FKBP3: variants seen among roughly 807,000 people sequenced by gnomAD.
FKBP3 encodes the protein peptidyl-prolyl cis-trans isomerase FKBP3.
Under a neutral mutation model 30.6 loss-of-function variants are expected in FKBP3, and 21 were observed. That is an observed-to-expected ratio of 0.69 (90% CI 0.49 to 0.99). The LOEUF is 0.99. Ranked by LOEUF, FKBP3 falls within the 50% of genes least tolerant of loss-of-function variation. The pLI is 0.00. For missense variants in FKBP3, 283 were observed against 261.6 expected (o/e 1.08, Z -0.56); for synonymous variants, 82 against 91.3 (o/e 0.90, Z 0.58).
intron 2 of FKBP3, among the ~76,000 whole-genome samples, chr14:45,130,192 A>G (rs1421430974): frequency 6.6e-6 from 1 of 152,224 alleles, no homozygotes; most frequent in African/African-American, 2.4e-5. Context: ...CACTATTCAA[A>G]TAACTCCTAA....
At position 45,129,904 on chromosome 14, in the gene FKBP3, G is replaced by A. The variant is rs562896633; in HGVS notation, c.211-3C>T. On this transcript the variant is annotated splice_polypyrimidine_tract_variant and splice_region_variant and intron_variant, in intron 2 of 6. Transcript: ENST00000396062. ...ATACTTTCAGTACCCTTAAAACGCT[G>A]TAAGGAAAATGTTGTAACATCATAC... 6.9e-6 allele frequency: 11 copies of A among 1,592,892 alleles called. No individual in the cohort carries two copies. The highest frequency in any genetic ancestry group is 4.5e-5 in the East Asian group (2 of 44,658).
intron 1 of FKBP3, 60 bp from the exon 2 acceptor site, chr14:45,130,860 T>G: frequency 1.1e-6 from 1 of 937,952 alleles, no homozygotes; most frequent in Non-Finnish European, 1.6e-6. Flanking sequence ...GTGTCTAAAA[T>G]TAGAAAACGA....
chr14:45,119,429 TGTG>T (rs1884931775), intron 5 of FKBP3, among the ~76,000 whole-genome samples: 1 of 151,410 alleles, frequency 6.6e-6, no homozygotes, highest in Non-Finnish European at 1.5e-5. Context: ...CAAAATTAGG[TGTG>T]GTGGCGCATG....
intron 1 of FKBP3, among the ~76,000 whole-genome samples, chr14:45,134,025 G>C (rs901758997): frequency 6.6e-6 from 1 of 152,100 alleles, no homozygotes; most frequent in African/African-American, 2.4e-5. Flanking sequence ...ACTATTCCTC[G>C]GCCTCTCCGC....
At chr14:45,133,884 C>G (rs773280265) in intron 1 of FKBP3, among the ~76,000 whole-genome samples, 1 of 152,166 alleles carries the variant, frequency 6.6e-6, no homozygotes, top group Non-Finnish European at 1.5e-5. Context: ...AAAAATCACA[C>G]GCATTAATGT....
rs751251206 is a variant in FKBP3 at position 45,116,272 on chromosome 14, A to G, written c.621-20T>C. 1.9e-6 allele frequency: 3 copies of G among 1,606,404 alleles called. No individual in the cohort carries two copies. The highest frequency in any genetic ancestry group is 1.3e-5 in the African/African-American group (1 of 74,732). ...GGAATTCTGTTGAAGAAGTCAAGGTACATTTGATAAAAAGTGCCTCTCCCC... is the reference window on the plus strand; with the variant it reads ...GGAATTCTGTTGAAGAAGTCAAGGTGCATTTGATAAAAAGTGCCTCTCCCC... On this transcript the variant is annotated intron_variant, in intron 6 of 6. Coordinates refer to ENST00000396062, the MANE Select transcript of FKBP3 (RefSeq NM_002013.4).
At chr14:45,119,741 G>A (rs1325486697) in intron 5 of FKBP3, among the ~76,000 whole-genome samples, 1 of 148,414 alleles carries the variant, frequency 6.7e-6, no homozygotes. Context: ...AGGCTGGAGT[G>A]CAGTGGCGTG....
chr14:45,121,106 A>T (rs1248109765), intron 4 of FKBP3, 152 bp from the exon 5 acceptor site: 1 of 677,192 alleles, frequency 1.5e-6, no homozygotes, highest in African/African-American at 1.8e-5. Context: ...AAAAATTTAC[A>T]AAGATCATCC....
In FKBP3 at chr14:45,130,693, A is replaced by G; in HGVS notation, c.210+6T>C. ...TGTTCTGCTAACAGAATCTAACAAT[A>G]CTCACCTTAGTTTCAAAAAGATGGT... is the stretch of plus-strand genomic sequence containing the variant. On this transcript the variant is annotated splice_donor_region_variant and intron_variant, in intron 2 of 6. Coordinates refer to ENST00000396062, the MANE Select transcript of FKBP3 (RefSeq NM_002013.4). 9 of 1,523,356 alleles carry G rather than the reference A, an allele frequency of 5.9e-6. No individual in the cohort carries two copies. The highest frequency in any genetic ancestry group is 8.1e-6 in the Non-Finnish European group (9 of 1,115,622). 94.4% of individuals were successfully genotyped at this position (1,523,356 alleles called of 1,614,324 possible).
chr14:45,125,430 G>C (rs912830388), intron 3 of FKBP3, among the ~76,000 whole-genome samples: 15 of 152,156 alleles, frequency 9.9e-5, no homozygotes, highest in African/African-American at 2.9e-4. Context: ...ATATGAAGCA[G>C]TTATCAAAGA....
chr14:45,132,304 C>CAAAGAATA (rs1321629126), intron 1 of FKBP3, among the ~76,000 whole-genome samples: 14 of 151,968 alleles, frequency 9.2e-5, no homozygotes, highest in African/African-American at 3.4e-4. Flanking sequence ...AGAAAATACC[C>CAAAGAATA]AAAGCATAAA....
chr14:45,125,271 G>T lies in FKBP3; in HGVS notation c.319-3651C>A, dbSNP rs141175317. 3.2e-3 allele frequency among the ~76,000 whole-genome samples: 487 copies of T among 152,328 alleles called. 1 individual carries two copies. The highest frequency in any genetic ancestry group is 0.011 in the African/African-American group (471 of 41,584). ...TGAAATATAAAAAATGACTTGGGAAGCAAAAGTAGAAGTGGAGAGACTTGT... is the reference window on the plus strand; with the variant it reads ...TGAAATATAAAAAATGACTTGGGAATCAAAAGTAGAAGTGGAGAGACTTGT... On this transcript the variant is annotated intron_variant, in intron 3 of 6. Coordinates refer to ENST00000396062, the MANE Select transcript of FKBP3 (RefSeq NM_002013.4).
chr14:45,124,838 A>C (rs1449646668), intron 3 of FKBP3, among the ~76,000 whole-genome samples: 1 of 152,198 alleles, frequency 6.6e-6, no homozygotes, highest in Non-Finnish European at 1.5e-5. Flanking sequence ...GACATGTTAG[A>C]ATCTGGGTTT....
At chr14:45,121,395 GA>G in intron 4 of FKBP3, 89 bp downstream of exon 4, 18 of 1,076,740 alleles carry the variant, frequency 1.7e-5, no homozygotes, top group East Asian at 2.4e-5. Flanking sequence ...TGACAGTCAG[GA>G]AAAAGGTACT....
chr14:45,132,501 G>A (rs1449648186), intron 1 of FKBP3, among the ~76,000 whole-genome samples: 3 of 151,990 alleles, frequency 2.0e-5, no homozygotes, highest in Non-Finnish European at 4.4e-5. Context: ...GGGTTGAAAC[G>A]ATTCTCCTGC....
chr14:45,121,681 A>G, intron 3 of FKBP3, 61 bp from the exon 4 acceptor site: 1 of 1,563,474 alleles, frequency 6.4e-7, no homozygotes, highest in South Asian at 1.2e-5. Flanking sequence ...TAAAAGAATG[A>G]CAAACAATAG....
intron 3 of FKBP3, among the ~76,000 whole-genome samples, chr14:45,126,909 G>C (rs986547461): frequency 6.6e-6 from 1 of 151,914 alleles, no homozygotes; most frequent in African/African-American, 2.4e-5. Context: ...TCTGCCTCCT[G>C]GGTTCAAGTG....
chr14:45,119,817 A>ACT (rs992955262), intron 5 of FKBP3, among the ~76,000 whole-genome samples: 15 of 151,628 alleles, frequency 9.9e-5, no homozygotes, highest in African/African-American at 3.6e-4. Flanking sequence ...CCTCCCAAGT[A>ACT]GCTGGGACTA....
In FKBP3 at chr14:45,116,107, A is replaced by G. The variant is rs1188486631; in HGVS notation, c.*91T>C. On this transcript the variant is annotated 3_prime_UTR_variant, in exon 7 of 7. Coordinates refer to ENST00000396062, the MANE Select transcript of FKBP3 (RefSeq NM_002013.4). ...TTTTCCAGTTGACTCTTCCTTTACA[A>G]TAGTAACAAGTTCTAACTAGTTGTG... 4 of 895,868 alleles carry G rather than the reference A, an allele frequency of 4.5e-6. No individual in the cohort carries two copies. The highest frequency in any genetic ancestry group is 1.9e-5 in the Admixed American group (1 of 51,874). 55.5% of individuals were successfully genotyped at this position (895,868 alleles called of 1,614,324 possible). A position where few individuals can be genotyped will look rare whatever the true frequency, so the allele number is the denominator to read the frequency against.
Sources: allele counts gnomAD v4.1 joint callset (sites outside exome capture counted in the v4.1 genomes callset), GRCh38; gene constraint gnomAD v4.1.1; transcripts MANE v1.5; gene names NCBI Gene and HGNC (gene_info 2026-07-23, HGNC 2026-07-21).